The following MED13 variants were observed in gnomAD, a reference collection of about 807,000 sequenced individuals.
MED13 encodes the protein mediator complex subunit 13.
In MED13, 23 loss-of-function variants were observed where a neutral mutation model predicts 225.2. That is an observed-to-expected ratio of 0.10 (90% CI 0.07 to 0.14). The LOEUF is 0.14. MED13 is among the 10% of genes least tolerant of loss of function. MED13 has a pLI of 1.00. For missense variants in MED13, 2,197 were observed against 2,594.5 expected (o/e 0.85, Z 3.33); for synonymous variants, 942 against 889.2 (o/e 1.06, Z -1.06).
intron 3 of MED13, among the ~76,000 whole-genome samples, chr17:62,037,166 T>C (rs1295034596): frequency 6.6e-6 from 1 of 151,974 alleles, no homozygotes; most frequent in Non-Finnish European, 1.5e-5. Context: ...GGCATGCGAA[T>C]CGCTTGAATC....
intron 9 of MED13, among the ~76,000 whole-genome samples, chr17:61,999,645 A>C (rs1221056280): frequency 6.6e-6 from 1 of 152,220 alleles, no homozygotes; most frequent in East Asian, 1.9e-4. Flanking sequence ...GTCAATGAAA[A>C]GTTAAACATA....
At chr17:61,951,096 T>G (rs1203786878) in intron 27 of MED13, 98 bp from the exon 28 acceptor site, 8 of 888,746 alleles carry the variant, frequency 9.0e-6, no homozygotes, top group Non-Finnish European at 1.3e-5. Context: ...CTCATTATCT[T>G]ATGACATCGA....
At chr17:62,018,197 C>G (rs2143626033) in intron 8 of MED13, among the ~76,000 whole-genome samples, 1 of 152,260 alleles carries the variant, frequency 6.6e-6, no homozygotes, top group Non-Finnish European at 1.5e-5. Context: ...GGTGAGATCA[C>G]TGGCAATATT....
At chr17:61,986,094 G>A (rs1206841364) in intron 12 of MED13, among the ~76,000 whole-genome samples, 1 of 152,116 alleles carries the variant, frequency 6.6e-6, no homozygotes, top group Non-Finnish European at 1.5e-5. Context: ...TTATTTCAGA[G>A]GAACCACAGC....
At chr17:61,959,461 T>A (rs780194601) in intron 23 of MED13, among the ~76,000 whole-genome samples, 76 of 152,168 alleles carry the variant, frequency 5.0e-4, no homozygotes, top group Non-Finnish European at 9.3e-4. Context: ...CGAGTTCACT[T>A]AATCAGTATA....
chr17:62,054,000 T>A (rs111752239), intron 2 of MED13, among the ~76,000 whole-genome samples: 36 of 152,308 alleles, frequency 2.4e-4, no homozygotes, highest in South Asian at 6.2e-4. Flanking sequence ...AATTTTTTTT[T>A]AAATTTTATT....
chr17:62,025,073 T>C (rs1364637380), intron 8 of MED13, among the ~76,000 whole-genome samples: 3 of 152,218 alleles, frequency 2.0e-5, no homozygotes, highest in African/African-American at 4.8e-5. Flanking sequence ...CTCGGTCAAA[T>C]GGTAGTTTGG....
At chr17:61,952,510 A>C (rs2079905063) in intron 27 of MED13, among the ~76,000 whole-genome samples, 1 of 152,200 alleles carries the variant, frequency 6.6e-6, no homozygotes. Context: ...TGGTCTAGAA[A>C]ATACGGATTC....
chr17:62,052,792 A>G (rs1240297679), intron 2 of MED13, 87 bp from the exon 3 acceptor site: 3 of 879,188 alleles, frequency 3.4e-6, no homozygotes, highest in African/African-American at 3.4e-5. Context: ...TAAACTCTAT[A>G]TTCATCAACA....
In MED13 at chr17:62,031,445, T is replaced by C; in HGVS notation, c.1008A>G (p.Thr336=). The stretch of plus-strand genomic sequence containing the variant: ...TGATGAGACAAATTACTGCTATACC[T>C]GTTTGGACTTCCTCAGGAGACGTAG... ...TPPTSPEEVQ[T]VDPQSVQKWV... The change falls in exon 6 of 30, where the codon ACA becomes ACG. Residue 336 remains threonine (T), a splice_region_variant and synonymous_variant. Transcript: ENST00000397786. 3.1e-6 allele frequency: 5 copies of C among 1,599,554 alleles called. No homozygotes were observed. Among genetic ancestry groups the C allele is most frequent in the Non-Finnish European group, 4.3e-6 (5 of 1,172,876 alleles).
chr17:61,984,953 A>G, intron 13 of MED13, 47 bp downstream of exon 13: 1 of 1,603,158 alleles, frequency 6.2e-7, no homozygotes, highest in Non-Finnish European at 8.5e-7. Context: ...CTTTGTTGAG[A>G]TTAAAAGTTC....
At chr17:62,019,295 G>C (rs1315100796) in intron 8 of MED13, among the ~76,000 whole-genome samples, 1 of 152,078 alleles carries the variant, frequency 6.6e-6, no homozygotes, top group East Asian at 1.9e-4. Flanking sequence ...CTACTGTTTT[G>C]GAAAATATAG....
At chr17:61,985,704 G>T (rs1374321624) in intron 12 of MED13, among the ~76,000 whole-genome samples, 2 of 152,112 alleles carry the variant, frequency 1.3e-5, no homozygotes, top group Non-Finnish European at 2.9e-5. Flanking sequence ...CCTGCAATAA[G>T]AAGGGGTTGT....
intron 9 of MED13, among the ~76,000 whole-genome samples, chr17:62,009,994 G>A (rs2080490578): frequency 6.6e-6 from 1 of 152,092 alleles, no homozygotes; most frequent in Non-Finnish European, 1.5e-5. Context: ...GGCCGAGGTG[G>A]GTGGATCACT....
chr17:61,958,189 A>G (rs2079966078), intron 23 of MED13, among the ~76,000 whole-genome samples: 2 of 151,078 alleles, frequency 1.3e-5, no homozygotes, highest in African/African-American at 4.9e-5. Flanking sequence ...TTTTTTTGAC[A>G]CGGAGTCTAA....
intron 3 of MED13, among the ~76,000 whole-genome samples, chr17:62,048,234 C>T (rs2080920118): frequency 6.7e-6 from 1 of 149,330 alleles, no homozygotes; most frequent in African/African-American, 2.4e-5. Context: ...GGCGAAACCC[C>T]GTCTCCTTAA....
At chr17:62,039,632 C>T (rs1185054102) in intron 3 of MED13, among the ~76,000 whole-genome samples, 1 of 145,992 alleles carries the variant, frequency 6.8e-6, no homozygotes, top group African/African-American at 2.5e-5. Context: ...ACTCTTGTCA[C>T]CAAGGTTGGA....
chr17:62,040,191 C>T (rs2080841465), intron 3 of MED13, among the ~76,000 whole-genome samples: 1 of 152,142 alleles, frequency 6.6e-6, no homozygotes, highest in Non-Finnish European at 1.5e-5. Flanking sequence ...TTATTTGTAT[C>T]ATCCCATCAA....
In MED13 at chr17:61,945,896, T is replaced by G. The variant is rs2079848401; in HGVS notation, c.*572A>C. Reference sequence around the variant, plus strand: ...AAGCAACCCTACTGCAACTTTTTAATTAAGACGATTACATATATTTTAGAC... The same window carrying G: ...AAGCAACCCTACTGCAACTTTTTAAGTAAGACGATTACATATATTTTAGAC... On this transcript the variant is annotated 3_prime_UTR_variant, in exon 30 of 30. Transcript: ENST00000397786. 1 of 152,606 alleles carries G rather than the reference T, an allele frequency of 6.6e-6. No homozygotes were observed. Among genetic ancestry groups the G allele is most frequent in the Non-Finnish European group, 1.5e-5 (1 of 68,032 alleles). The allele number at this position is 152,606 out of a possible 1,614,324, so 9.5% of individuals were successfully genotyped here.
Sources: gnomAD v4.1 joint callset for allele counts (sites outside exome capture counted in the v4.1 genomes callset) on GRCh38, gnomAD v4.1.1 for gene constraint, MANE v1.5 for transcripts, NCBI Gene and HGNC (gene_info 2026-07-23, HGNC 2026-07-21) for gene names.